RPL27: variants seen among roughly 807,000 people sequenced by gnomAD.
The protein encoded by RPL27 is large ribosomal subunit protein eL27.
For missense variants in RPL27, 131 were observed against 174.3 expected (o/e 0.75, Z 1.40); for synonymous variants, 77 against 61.0 (o/e 1.26, Z -1.22).
chr17:43,002,596 T>C (rs959827957), intron 3 of RPL27, 77 bp from the exon 4 acceptor site: 1 of 772,846 alleles, frequency 1.3e-6, no homozygotes, highest in Admixed American at 1.8e-5. Flanking sequence ...GATTCCCTAG[T>C]GTCCCACAAG....
Position 42,998,456 on chromosome 17 carries a change from C to CT in RPL27, c.-18_-17insT, listed in dbSNP as rs2050322666. On this transcript the variant is annotated 5_prime_UTR_variant, in exon 1 of 5. Coordinates refer to ENST00000253788, the MANE Select transcript of RPL27 (RefSeq NM_000988.5). ...CTTCTTTCCTTTTTGCTGGTAGGGCCGGGTGGTTGCTGCCGGTAAGTAGAA... is the reference window on the plus strand; with the variant it reads ...CTTCTTTCCTTTTTGCTGGTAGGGCCTGGGTGGTTGCTGCCGGTAAGTAGAA... The CT allele has an allele frequency of 1.4e-5, 4 of 290,706 alleles. No homozygotes were observed. Among genetic ancestry groups the CT allele is most frequent in the East Asian group, 9.4e-5 (1 of 10,648 alleles). 18.0% of individuals were successfully genotyped at this position (290,706 alleles called of 1,614,324 possible). A position where few individuals can be genotyped will look rare whatever the true frequency, so the allele number is the denominator to read the frequency against.
In RPL27 at chr17:42,998,825, C is replaced by T. The variant is rs148271218; in HGVS notation, c.75C>T (p.Ile25=). Residue 25 remains isoleucine (I), a synonymous_variant, in exon 2 of 5, where the codon ATC becomes ATT. Coordinates refer to ENST00000253788, the MANE Select transcript of RPL27 (RefSeq NM_000988.5). The stretch of plus-strand genomic sequence containing the variant: ...GCTACTCCGGACGCAAAGCTGTCAT[C>T]GTGAAGGTATCAGCCTCGCGGGACT... ...AGRYSGRKAV[I]VKNIDDGTSD... 6.7e-5 allele frequency: 108 copies of T among 1,613,526 alleles called. No homozygotes were observed. Among genetic ancestry groups the T allele is most frequent in the Middle Eastern group, 1.6e-4 (1 of 6,084 alleles).
intron 2 of RPL27, 62 bp from the exon 3 acceptor site, chr17:42,999,871 C>A: frequency 1.4e-6 from 2 of 1,408,854 alleles, no homozygotes; most frequent in Non-Finnish European, 2.0e-6. Flanking sequence ...CACTGCACTA[C>A]CTCTAACACA....
intron 2 of RPL27, chr17:42,999,205 TA>T (rs1185969896): frequency 4.9e-6 from 1 of 203,210 alleles, no homozygotes; most frequent in African/African-American, 2.4e-5. Context: ...CTGTCCAGGC[TA>T]AGTGCAGTGG....
intron 3 of RPL27, among the ~76,000 whole-genome samples, chr17:43,001,112 G>A (rs1418035258): frequency 1.3e-5 from 2 of 152,092 alleles, no homozygotes; most frequent in African/African-American, 2.4e-5. Flanking sequence ...GGGAGGCCGA[G>A]GCGAGCGGAT....
At chr17:42,999,616 C>G (rs566186387) in intron 2 of RPL27, 1 of 278,460 alleles carries the variant, frequency 3.6e-6, no homozygotes, top group Non-Finnish European at 6.9e-6. Context: ...CTGTACACTT[C>G]ACTAGCAGTG....
intron 3 of RPL27, 87 bp from the exon 4 acceptor site, chr17:43,002,586 G>A (rs971782821): frequency 4.0e-6 from 3 of 747,794 alleles, no homozygotes; most frequent in Non-Finnish European, 7.4e-6. Flanking sequence ...GTCAGACCCT[G>A]ATTCCCTAGT....
intron 2 of RPL27, 56 bp from the exon 3 acceptor site, chr17:42,999,877 A>G: frequency 6.7e-7 from 1 of 1,482,138 alleles, no homozygotes; most frequent in South Asian, 1.1e-5. Flanking sequence ...ACTACCTCTA[A>G]CACAGGGCCT....
chr17:43,000,071 G>A lies in RPL27; in HGVS notation c.220G>A (p.Val74Met). ...ATCAAAGATAAAATCTTTTGTGAAA[G>A]TGTATAACTACAATCACCTAATGCC... ...KRSKIKSFVK[V>M]YNYNHLMPTR... Residue 74 changes from valine (V) to methionine (M), a missense_variant, in exon 3 of 5, where the codon GTG becomes ATG. Coordinates refer to ENST00000253788, the MANE Select transcript of RPL27 (RefSeq NM_000988.5). 1 of 1,613,168 alleles carries A rather than the reference G, an allele frequency of 6.2e-7. No individual in the cohort carries two copies. Among genetic ancestry groups the A allele is most frequent in the Non-Finnish European group, 8.5e-7 (1 of 1,179,936 alleles).
intron 3 of RPL27, among the ~76,000 whole-genome samples, chr17:43,000,669 C>T (rs989297474): frequency 2.0e-5 from 3 of 146,926 alleles, no homozygotes; most frequent in African/African-American, 5.0e-5. Context: ...TGGTCTCGAT[C>T]TCCTGACCTC....
intron 2 of RPL27, 159 bp from the exon 3 acceptor site, chr17:42,999,774 C>A: frequency 1.7e-6 from 1 of 601,362 alleles, no homozygotes; most frequent in Middle Eastern, 4.5e-4. Context: ...TGTTCTGTTT[C>A]TCTTTGGTCA....
chr17:43,000,490 T>TG (rs200067867), intron 3 of RPL27, among the ~76,000 whole-genome samples: 1,904 of 151,050 alleles, frequency 0.013, 50 homozygotes, highest in African/African-American at 0.025. Flanking sequence ...TGTTTTGTTT[T>TG]TTTTTGAGAC....
intron 3 of RPL27, among the ~76,000 whole-genome samples, chr17:43,001,595 T>A (rs999257954): frequency 6.6e-6 from 1 of 151,546 alleles, no homozygotes; most frequent in African/African-American, 2.4e-5. Context: ...CACTCCAGCC[T>A]GGGTGACAGA....
intron 2 of RPL27, chr17:42,999,654 T>C (rs1226482875): frequency 2.9e-6 from 1 of 349,274 alleles, no homozygotes; most frequent in African/African-American, 2.1e-5. Flanking sequence ...CCAAGTCCTG[T>C]GAGCAGTGCT....
intron 2 of RPL27, chr17:42,999,063 A>T (rs2050331500): frequency 2.0e-6 from 1 of 503,036 alleles, no homozygotes; most frequent in African/African-American, 2.0e-5. Context: ...AATATATAGT[A>T]ATAGTGGCTG....
intron 2 of RPL27, 195 bp downstream of exon 2, chr17:42,999,026 A>AT (rs1201061432): frequency 3.5e-6 from 2 of 565,402 alleles, no homozygotes; most frequent in Non-Finnish European, 6.3e-6. Context: ...CTCCCAACGC[A>AT]TAAAGCCTTC....
At chr17:43,001,834 G>A (rs1218021677) in intron 3 of RPL27, among the ~76,000 whole-genome samples, 2 of 151,728 alleles carry the variant, frequency 1.3e-5, no homozygotes, top group Non-Finnish European at 2.9e-5. Flanking sequence ...GCTCAGGCTT[G>A]TAATCCCAGC....
At position 43,002,852 on chromosome 17, in the gene RPL27, C is replaced by T. The variant is rs1555570458; in HGVS notation, c.363-20C>T. 3 of 1,612,952 alleles carry T rather than the reference C, an allele frequency of 1.9e-6. No individual in the cohort carries two copies. Among genetic ancestry groups the T allele is most frequent in the South Asian group, 2.2e-5 (2 of 91,054 alleles). On this transcript the variant is annotated intron_variant, in intron 4 of 4. Transcript: ENST00000253788. ...TTTCCATTCCTTTCCTCATTGGTGT[C>T]CTCTTTTTTTCCCTTCTAGATACAA...
chr17:42,998,415 G>A (rs761298920), upstream of RPL27: 49 of 238,126 alleles, frequency 2.1e-4, no homozygotes, highest in Non-Finnish European at 2.7e-4. Flanking sequence ...CGGGGTGAAA[G>A]GTTAGCGGAA....
Sources: allele counts gnomAD v4.1 joint callset (sites outside exome capture counted in the v4.1 genomes callset), GRCh38; gene constraint gnomAD v4.1.1; transcripts MANE v1.5; gene names NCBI Gene and HGNC (gene_info 2026-07-23, HGNC 2026-07-21).